Variants in PAMR1 observed in about 807,000 individuals in gnomAD.
PAMR1 encodes the protein inactive serine protease PAMR1.
A neutral mutation model predicts 81.8 loss-of-function variants in PAMR1; 88 were observed. The ratio of observed to expected loss-of-function variants is 1.08; its 90% CI spans 0.91 to 1.28. The LOEUF is 1.28. PAMR1 is among the 50% of genes most tolerant of loss of function. PAMR1 has a pLI of 0.00. For missense variants in PAMR1, 935 were observed against 919.7 expected (o/e 1.02, Z -0.21); for synonymous variants, 336 against 345.3 (o/e 0.97, Z 0.30).
intron 1 of PAMR1, among the ~76,000 whole-genome samples, chr11:35,501,475 C>T (rs1303263665): frequency 6.6e-6 from 1 of 152,044 alleles, no homozygotes; most frequent in Non-Finnish European, 1.5e-5. Context: ...TTTACAACAG[C>T]TCAAAACACA....
In PAMR1 at chr11:35,432,441, T is replaced by G. The variant is rs757091859; in HGVS notation, c.2078A>C (p.Tyr693Ser). 1 of 1,614,190 alleles carries G rather than the reference T, an allele frequency of 6.2e-7. No individual in the cohort carries two copies. The highest frequency in any genetic ancestry group is 1.3e-5 in the African/African-American group (1 of 75,072). The change falls in exon 11 of 11, where the codon TAT (tyrosine) becomes TCT (serine). Residue 693 changes from tyrosine (Y) to serine (S), a missense_variant. Transcript: ENST00000619888. ...WHLMGLVSWS[Y>S]DKTCSHRLST... Reference sequence around the variant, plus strand: ...GAGCCTGTGGCTGCATGTTTTATCATAGCTCCAGCTGACCAGTCCCATCAG... The same window carrying G: ...GAGCCTGTGGCTGCATGTTTTATCAGAGCTCCAGCTGACCAGTCCCATCAG...
Position 35,441,634 on chromosome 11 carries a change from T to C in PAMR1, c.880A>G (p.Thr294Ala). 2 of 1,613,972 alleles carry C rather than the reference T, an allele frequency of 1.2e-6. No homozygotes were observed. Among genetic ancestry groups the C allele is most frequent in the Admixed American group, 3.3e-5 (2 of 60,008 alleles). The change falls in exon 7 of 11, where the codon ACA (threonine) becomes GCA (alanine). Residue 294 changes from threonine (T) to alanine (A), a missense_variant. Physicochemically the swap from Thr to Ala is moderately conservative, Grantham distance 58 (BLOSUM62 0). Coordinates refer to ENST00000619888, the MANE Select transcript of PAMR1 (RefSeq NM_001001991.3). ...CCGTTGATAAGCCCAGGGCCCCCTG[T>C]TATTTTCTGGTACCCATTGACTGGG... ...GGPVNGYQKI[T>A]GGPGLINGRH...
chr11:35,505,556 T>C (rs1850933619), intron 1 of PAMR1, among the ~76,000 whole-genome samples: 1 of 152,138 alleles, frequency 6.6e-6, no homozygotes, highest in Admixed American at 6.6e-5. Context: ...TGCATAGATA[T>C]TTATAATTGT....
intron 10 of PAMR1, among the ~76,000 whole-genome samples, chr11:35,433,638 G>A (rs1036413782): frequency 2.6e-5 from 4 of 152,198 alleles, no homozygotes; most frequent in African/African-American, 7.2e-5. Context: ...AAAATAAAAC[G>A]TGCTCTATTC....
At chr11:35,460,343 T>A (rs1447013566) in intron 6 of PAMR1, among the ~76,000 whole-genome samples, 1 of 152,014 alleles carries the variant, frequency 6.6e-6, no homozygotes, top group Non-Finnish European at 1.5e-5. Context: ...TTTTTTTCTA[T>A]ACTTTAAGTT....
chr11:35,500,250 CT>C (rs1850806913), intron 1 of PAMR1, among the ~76,000 whole-genome samples: 1 of 152,198 alleles, frequency 6.6e-6, no homozygotes, highest in Non-Finnish European at 1.5e-5. Context: ...CATACTGGGA[CT>C]TCTTGAAAGA....
chr11:35,449,396 G>A (rs1460656534), intron 6 of PAMR1, among the ~76,000 whole-genome samples: 1 of 152,216 alleles, frequency 6.6e-6, no homozygotes, highest in Non-Finnish European at 1.5e-5. Context: ...CTGGGGTTCT[G>A]TCCGTAAACC....
upstream of PAMR1, chr11:35,525,793 T>C: frequency 1.7e-6 from 1 of 589,794 alleles, no homozygotes; most frequent in Admixed American, 3.0e-5. Flanking sequence ...CTCTGCTGCC[T>C]TAACCCTTGC....
chr11:35,500,453 C>T (rs1850811542), intron 1 of PAMR1, among the ~76,000 whole-genome samples: 1 of 152,198 alleles, frequency 6.6e-6, no homozygotes, highest in African/African-American at 2.4e-5. Flanking sequence ...CATCACTAGC[C>T]TGATGGTGCT....
chr11:35,517,795 T>C (rs1851194553), intron 1 of PAMR1, among the ~76,000 whole-genome samples: 1 of 152,254 alleles, frequency 6.6e-6, no homozygotes, highest in Non-Finnish European at 1.5e-5. Context: ...GACTTTGTCC[T>C]GTTCATCTTG....
At chr11:35,481,776 C>A (rs560202265) in intron 3 of PAMR1, among the ~76,000 whole-genome samples, 1 of 152,174 alleles carries the variant, frequency 6.6e-6, no homozygotes, top group African/African-American at 2.4e-5. Flanking sequence ...ATCGCCTCAG[C>A]CTCCCAAAGT....
chr11:35,490,621 G>A (rs567717393), intron 3 of PAMR1, among the ~76,000 whole-genome samples: 26 of 152,168 alleles, frequency 1.7e-4, no homozygotes, highest in African/African-American at 5.5e-4. Context: ...ACCCCATCTC[G>A]GAAGAAAGGA....
At chr11:35,466,165 G>C (rs1590342979) in intron 6 of PAMR1, among the ~76,000 whole-genome samples, 1 of 151,666 alleles carries the variant, frequency 6.6e-6, no homozygotes, top group Admixed American at 6.6e-5. Flanking sequence ...CTCAGTATTT[G>C]CTATTGTCAA....
intron 1 of PAMR1, among the ~76,000 whole-genome samples, chr11:35,501,774 G>A (rs557849280): frequency 8.5e-5 from 13 of 152,088 alleles, no homozygotes; most frequent in Admixed American, 3.3e-4. Context: ...TCATTCTTTC[G>A]TATAAATAAA....
Position 35,468,111 on chromosome 11 carries a change from G to A in PAMR1, c.713-3C>T. On this transcript the variant is annotated splice_polypyrimidine_tract_variant and splice_region_variant and intron_variant, in intron 5 of 10. Transcript: ENST00000619888. ...GAAACAAGGGGATGAGGAGCATGCT[G>A]TAAGAGAAAAGGCATCCTTCAGTGC... is the stretch of plus-strand genomic sequence containing the variant. 1 of 1,546,034 alleles carries A rather than the reference G, an allele frequency of 6.5e-7. No homozygotes were observed.
chr11:35,526,577 T>C (rs980766028), upstream of PAMR1, among the ~76,000 whole-genome samples: 3 of 152,254 alleles, frequency 2.0e-5, no homozygotes, highest in Non-Finnish European at 4.4e-5. Context: ...CTCTGTATTT[T>C]ACAATTAGAG....
chr11:35,471,309 C>G (rs1029399967), intron 4 of PAMR1, among the ~76,000 whole-genome samples: 1 of 152,172 alleles, frequency 6.6e-6, no homozygotes, highest in Non-Finnish European at 1.5e-5. Context: ...TCTCCACTGG[C>G]CTGCAAGTAA....
At chr11:35,506,431 GGT>G (rs58646860) in intron 1 of PAMR1, among the ~76,000 whole-genome samples, 46 of 41,742 alleles carry the variant, frequency 1.1e-3, no homozygotes, top group African/African-American at 2.5e-3. Flanking sequence ...TTTGTTTTTT[GGT>G]GTTTTTTTTT....
At chr11:35,491,536 G>A (rs1288230371) in intron 3 of PAMR1, among the ~76,000 whole-genome samples, 2 of 152,174 alleles carry the variant, frequency 1.3e-5, no homozygotes, top group African/African-American at 4.8e-5. Flanking sequence ...TCAAAGAACT[G>A]TTGAAACTCA....
Sources: gnomAD v4.1 joint callset for allele counts (sites outside exome capture counted in the v4.1 genomes callset) on GRCh38, gnomAD v4.1.1 for gene constraint, MANE v1.5 for transcripts, NCBI Gene and HGNC (gene_info 2026-07-23, HGNC 2026-07-21) for gene names.